Variants in MYO10 observed in about 807,000 individuals in gnomAD.
The protein encoded by MYO10 is unconventional myosin-X.
MYO10 carries 133 observed loss-of-function variants against 257.3 expected under a neutral mutation model. The observed-to-expected ratio is 0.52, with a 90% CI of 0.45 to 0.60. The LOEUF is 0.60. MYO10 is among the 20% of genes least tolerant of loss of function. MYO10 has a pLI of 0.00. For synonymous variants in MYO10, 1,104 were observed against 1,028.6 expected (o/e 1.07, Z -1.40); for missense variants, 2,399 against 2,635.7 (o/e 0.91, Z 1.97).
At chr5:16,902,658 G>C in intron 1 of MYO10, 1 of 1,220,594 alleles carries the variant, frequency 8.2e-7, no homozygotes, top group East Asian at 2.3e-5. Context: ...AGCATGGACC[G>C]GAGAGAGGCC....
chr5:16,834,903 C>T, intron 2 of MYO10, among the ~76,000 whole-genome samples: 1 of 152,220 alleles, frequency 6.6e-6, no homozygotes, highest in Admixed American at 6.5e-5. Context: ...CAGTTGGGCG[C>T]AGTGGCTCAC....
At chr5:16,887,057 G>A (rs1442112553) in intron 1 of MYO10, among the ~76,000 whole-genome samples, 1 of 151,938 alleles carries the variant, frequency 6.6e-6, no homozygotes, top group Non-Finnish European at 1.5e-5. Flanking sequence ...AGGCCTGCCT[G>A]TGCTCATTAC....
chr5:16,677,015 A>AGTC (rs760497662), intron 33 of MYO10, among the ~76,000 whole-genome samples: 45 of 152,162 alleles, frequency 3.0e-4, no homozygotes, highest in Non-Finnish European at 5.9e-4. Flanking sequence ...ACATTAATAT[A>AGTC]TTCTTGGGGA....
At chr5:16,757,307 C>CACACACACACACAA (rs1388132179) in intron 18 of MYO10, among the ~76,000 whole-genome samples, 39 of 78,458 alleles carry the variant, frequency 5.0e-4, no homozygotes, top group African/African-American at 1.5e-3. Context: ...CACAAACACA[C>CACACACACACACAA]ACACACACGC....
chr5:16,823,638 ATTT>A (rs550131240), intron 2 of MYO10, among the ~76,000 whole-genome samples: 1 of 149,164 alleles, frequency 6.7e-6, no homozygotes, highest in African/African-American at 2.5e-5. Context: ...CGCCCAGCTC[ATTT>A]TTTTTGTATT....
Position 16,685,847 on chromosome 5 carries a change from A to T in MYO10, c.3897-16T>A, listed in dbSNP as rs956297130. 1 of 1,576,586 alleles carries T rather than the reference A, an allele frequency of 6.3e-7. No individual in the cohort carries two copies. The highest frequency in any genetic ancestry group is 1.3e-5 in the African/African-American group (1 of 74,270). On this transcript the variant is annotated splice_polypyrimidine_tract_variant and intron_variant, in intron 28 of 40. Transcript: ENST00000513610. ...GAACCACTGGCTGTGGGGAAGAGAG[A>T]GCAACTGTCAAGGAGAGGCCAACCT...
chr5:16,889,189 T>TAAA (rs34138785), intron 1 of MYO10, among the ~76,000 whole-genome samples: 1 of 59,134 alleles, frequency 1.7e-5, no homozygotes, highest in Non-Finnish European at 3.2e-5. Context: ...TAAAAAAATT[T>TAAA]AAAAAAAAAA....
At chr5:16,700,882 T>C in intron 25 of MYO10, 81 bp downstream of exon 25, 2 of 1,413,168 alleles carry the variant, frequency 1.4e-6, no homozygotes. Context: ...CCTACGGGTA[T>C]CTTCATTCAA....
At chr5:16,861,580 GAAA>G (rs1484358109) in intron 2 of MYO10, among the ~76,000 whole-genome samples, 1 of 151,818 alleles carries the variant, frequency 6.6e-6, no homozygotes, top group Admixed American at 6.6e-5. Flanking sequence ...CTCAAAAAAA[GAAA>G]AAAAGCTATT....
At chr5:16,848,155 C>CTTTTTTTTTTTTTTTTTTTTT (rs371042891) in intron 2 of MYO10, among the ~76,000 whole-genome samples, 11 of 113,568 alleles carry the variant, frequency 9.7e-5, no homozygotes, top group African/African-American at 3.0e-4. Context: ...CTACACATTT[C>CTTTTTTTTTTTTTTTTTTTTT]TTTTTTTTTT....
chr5:16,874,846 T>C (rs1420585274), intron 2 of MYO10, among the ~76,000 whole-genome samples: 4 of 152,190 alleles, frequency 2.6e-5, no homozygotes, highest in Admixed American at 2.0e-4. Context: ...GGTACCAATT[T>C]ACTGTATTAG....
At chr5:16,781,404 T>G (rs900454) in intron 6 of MYO10, among the ~76,000 whole-genome samples, 4,505 of 152,236 alleles carry the variant, frequency 0.03, 93 homozygotes, top group Non-Finnish European at 0.047. Context: ...TTAAAAATTA[T>G]TTTATTTTTT....
chr5:16,853,816 C>T (rs1743883430), intron 2 of MYO10, among the ~76,000 whole-genome samples: 1 of 152,172 alleles, frequency 6.6e-6, no homozygotes, highest in Admixed American at 6.5e-5. Context: ...GTGTGTTCAT[C>T]AAACCTCTGC....
chr5:16,787,949 C>T (rs1002171095), intron 4 of MYO10, among the ~76,000 whole-genome samples: 1 of 152,120 alleles, frequency 6.6e-6, no homozygotes, highest in Non-Finnish European at 1.5e-5. Flanking sequence ...CCTGCCACCA[C>T]GCCCAGCTAA....
intron 3 of MYO10, among the ~76,000 whole-genome samples, chr5:16,817,471 G>A (rs903456812): frequency 6.6e-6 from 1 of 152,158 alleles, no homozygotes; most frequent in South Asian, 2.1e-4. Flanking sequence ...AGAGAAAAAT[G>A]TGCATGACCA....
intron 2 of MYO10, among the ~76,000 whole-genome samples, 187 bp from the exon 3 acceptor site, chr5:16,818,354 G>GT (rs1482879553): frequency 7.4e-6 from 1 of 135,476 alleles, no homozygotes; most frequent in Non-Finnish European, 1.5e-5. Context: ...CTCTCTGTGT[G>GT]TGTATGTATG....
rs142072570 is a variant in MYO10, at chr5:16,692,744, T to C, written c.3800+1627A>G. On this transcript the variant is annotated intron_variant, in intron 27 of 40. Transcript: ENST00000513610. The stretch of plus-strand genomic sequence containing the variant: ...TTCTTCCACCCACTCTTGCCCATGA[T>C]TGAAGTTTTCCATAATAACTCACTG... Among the ~76,000 whole-genome samples, 31 of 151,674 alleles carry C rather than the reference T, an allele frequency of 2.0e-4. No individual in the cohort carries two copies. In the East Asian group the frequency reaches 2.9e-3, roughly 14 times the overall value.
chr5:16,780,446 T>G, intron 8 of MYO10, 78 bp downstream of exon 8: 1 of 1,270,114 alleles, frequency 7.9e-7, no homozygotes, highest in Non-Finnish European at 1.1e-6. Context: ...TTAAAACAGA[T>G]GTTCTCTCAT....
At chr5:16,928,715 G>C (rs1031233195) in intron 1 of MYO10, among the ~76,000 whole-genome samples, 1 of 151,240 alleles carries the variant, frequency 6.6e-6, no homozygotes, top group Non-Finnish European at 1.5e-5. Flanking sequence ...TGTGGTGGCA[G>C]GCGCCTGTAG....
Sources: allele counts gnomAD v4.1 joint callset (sites outside exome capture counted in the v4.1 genomes callset), GRCh38; gene constraint gnomAD v4.1.1; transcripts MANE v1.5; gene names NCBI Gene and HGNC (gene_info 2026-07-23, HGNC 2026-07-21).